LAT2: variants seen among roughly 807,000 people sequenced by gnomAD.
LAT2 encodes linker for activation of T cells family member 2.
LAT2 carries 23 observed loss-of-function variants against 43.4 expected under a neutral mutation model. The ratio of observed to expected loss-of-function variants is 0.53; its 90% CI spans 0.38 to 0.75. LAT2 has a LOEUF of 0.75. LAT2 is among the 30% of genes least tolerant of loss of function. LAT2 has a pLI of 0.00. For missense variants in LAT2, 284 were observed against 310.2 expected, an observed-to-expected ratio of 0.92 and a Z score of 0.64; for synonymous variants, 128 against 123.2, an observed-to-expected ratio of 1.04 and a Z score of -0.26.
chr7:74,215,668 G>A (rs1802011405), intron 2 of LAT2, among the ~76,000 whole-genome samples: 1 of 152,212 alleles, frequency 6.6e-6, no homozygotes, highest in Non-Finnish European at 1.5e-5. Flanking sequence ...AAGCGAGGCT[G>A]TGTGTAGGGC....
chr7:74,223,811 G>A, intron 11 of LAT2, 28 bp downstream of exon 11: 1 of 1,608,300 alleles, frequency 6.2e-7, no homozygotes, highest in Non-Finnish European at 8.5e-7. Flanking sequence ...GAGGCAGGCT[G>A]GGGCTGGGAG....
Position 74,220,550 on chromosome 7 carries a change from G to C in LAT2, c.266-34G>C. On this transcript the variant is annotated intron_variant, in intron 7 of 13. Transcript: ENST00000460943. The surrounding 1 kb of genome is among the most constrained non-coding windows in gnomAD (Gnocchi z 4.5). Reference sequence around the variant, plus strand: ...CGAGCTGGGTGCAAAGCAGGGGCCAGGGGAGAAAGCAATTAGCTGGGTCTT... The same window carrying C: ...CGAGCTGGGTGCAAAGCAGGGGCCACGGGAGAAAGCAATTAGCTGGGTCTT... 1 of 1,613,648 alleles carries C rather than the reference G, an allele frequency of 6.2e-7. No homozygotes were observed. The highest frequency in any genetic ancestry group is 8.5e-7 in the Non-Finnish European group (1 of 1,179,806).
At chr7:74,212,751 A>G (rs1352280629) in intron 1 of LAT2, among the ~76,000 whole-genome samples, 1 of 152,030 alleles carries the variant, frequency 6.6e-6, no homozygotes, top group African/African-American at 2.4e-5. Context: ...AGGCAAGGAG[A>G]GTTTCGAGGA....
intron 2 of LAT2, 57 bp from the exon 3 acceptor site, chr7:74,215,890 T>C (rs1802020768): frequency 1.7e-6 from 2 of 1,160,044 alleles, no homozygotes; most frequent in Non-Finnish European, 2.6e-6. Flanking sequence ...ACAGTGGGGG[T>C]GTGGGGTAGG....
chr7:74,223,761 C>T lies in LAT2; in HGVS notation c.426C>T (p.Cys142=). 3 of 1,613,928 alleles carry T rather than the reference C, an allele frequency of 1.9e-6. No homozygotes were observed. The highest frequency in any genetic ancestry group is 1.7e-5 in the Admixed American group (1 of 60,002). ...ATTCCTACGAGAATGTGCTCATTTGCAAGCAGAAAACCACAGAGACAGGTG... is the reference window on the plus strand; with the variant it reads ...ATTCCTACGAGAATGTGCTCATTTGTAAGCAGAAAACCACAGAGACAGGTG... ...DANSYENVLI[C]KQKTTETGAQ... is the part of the protein sequence containing the mutation. Residue 142 remains cysteine (C), a synonymous_variant, in exon 11 of 14, where the codon TGC becomes TGT. Transcript: ENST00000460943.
At chr7:74,214,321 AATATATATAT>A (rs1192331685) in intron 1 of LAT2, among the ~76,000 whole-genome samples, 1 of 61,014 alleles carries the variant, frequency 1.6e-5, no homozygotes, top group Non-Finnish European at 2.7e-5. Context: ...TATATATGAA[AATATATATAT>A]AAATATATAT....
chr7:74,219,862 C>G (rs1364954962), intron 5 of LAT2, 75 bp downstream of exon 5: 1 of 1,610,846 alleles, frequency 6.2e-7, no homozygotes, highest in Non-Finnish European at 8.5e-7. Context: ...TCCCCATTGA[C>G]CTGAGACCGT....
At position 74,226,054 on chromosome 7, in the gene LAT2, C is replaced by T. The variant is rs141555722; in HGVS notation, c.*18+1294C>T. 1.5e-3 allele frequency: 231 copies of T among 152,036 alleles called. No homozygotes were observed. The East Asian group carries it at 0.033, about 21-fold the overall frequency. The allele number at this position is 152,036 out of a possible 1,614,324, so 9.4% of individuals were successfully genotyped here. ...GTCATGCCTATAAATCCCAGCACTTCGGGAGGCTGAGGCGGGAGGATCCTT... is the reference window on the plus strand; with the variant it reads ...GTCATGCCTATAAATCCCAGCACTTTGGGAGGCTGAGGCGGGAGGATCCTT... On this transcript the variant is annotated intron_variant, in intron 13 of 13. Transcript: ENST00000460943.
In LAT2 at chr7:74,213,420, C is replaced by CTTTTTTTT. The variant is rs1554713423; in HGVS notation, c.-218-1402_-218-1401insTTTTTTTT. ...ACAGGCATGAGCCACTGTGCCCGGC[C>CTTTTTTTT]ATTTTTTTTTTTTTTTTTTTTTGAG... is the stretch of plus-strand genomic sequence containing the variant. On this transcript the variant is annotated intron_variant, in intron 1 of 13. Coordinates refer to ENST00000460943, the MANE Select transcript of LAT2 (RefSeq NM_032464.3). Among the ~76,000 whole-genome samples the CTTTTTTTT allele has an allele frequency of 2.9e-5, 4 of 136,238 alleles. 1 individual carries two copies. Among genetic ancestry groups the CTTTTTTTT allele is most frequent in the Non-Finnish European group, 6.3e-5 (4 of 63,268 alleles). 89.4% of individuals were successfully genotyped at this position (136,238 alleles called of 152,430 possible).
chr7:74,213,644 C>T (rs537367853), intron 1 of LAT2, among the ~76,000 whole-genome samples: 122 of 151,398 alleles, frequency 8.1e-4, no homozygotes, highest in African/African-American at 2.9e-3. Flanking sequence ...AGGCTAGTCT[C>T]GAACTCCCGA....
intron 13 of LAT2, among the ~76,000 whole-genome samples, 165 bp from the exon 14 acceptor site, chr7:74,228,779 A>C (rs1584233718): frequency 6.7e-6 from 1 of 149,802 alleles, no homozygotes; most frequent in African/African-American, 2.5e-5. Context: ...ACAGAGTGAG[A>C]CTCCATCTCA....
rs1802207466 is a variant in LAT2 at position 74,220,115 on chromosome 7, G to A, written c.228-102G>A. ...CCCTCCCCGAGTCCCAGAGCTCCAG[G>A]GCTCAGCTATGAAGGCCCCACAAGG... On this transcript the variant is annotated intron_variant, in intron 6 of 13. Coordinates refer to ENST00000460943, the MANE Select transcript of LAT2 (RefSeq NM_032464.3). This position sits in a 1 kb window ranked among gnomAD's most constrained non-coding sequence, Gnocchi z 4.5. 6.4e-7 allele frequency: 1 copy of A among 1,565,394 alleles called. No individual in the cohort carries two copies. The highest frequency in any genetic ancestry group is 1.4e-5 in the African/African-American group (1 of 73,986).
chr7:74,212,273 TTTATTATTA>T (rs527983800), intron 1 of LAT2, among the ~76,000 whole-genome samples: 1 of 150,848 alleles, frequency 6.6e-6, no homozygotes, highest in Non-Finnish European at 1.5e-5. Flanking sequence ...ATTTATTTAA[TTTATTATTA>T]TTATTATTAT....
Position 74,211,425 on chromosome 7 carries a change from G to A in LAT2, c.-219+1337G>A, listed in dbSNP as rs183420679. Reference sequence around the variant, plus strand: ...CCAAGTAGCTGGGGACTACAGGCACGTGCTACCACACCTGGCTAATTTTTT... The same window carrying A: ...CCAAGTAGCTGGGGACTACAGGCACATGCTACCACACCTGGCTAATTTTTT... On this transcript the variant is annotated intron_variant, in intron 1 of 13. Transcript: ENST00000460943. Among the ~76,000 whole-genome samples the A allele has an allele frequency of 2.4e-3, 371 of 152,050 alleles. 8 individuals are homozygous for A. Among genetic ancestry groups the A allele is most frequent in the Non-Finnish European group, 5.3e-4 (36 of 67,986 alleles).
rs1437738141 is a variant in LAT2 at position 74,214,746 on chromosome 7, TAA to T, written c.-218-74_-218-73del. On this transcript the variant is annotated intron_variant, in intron 1 of 13. Transcript: ENST00000460943. ...AAATATAAATATATATAAAAATATA[TAA>T]ATATATATATATAAACATATATATA... The T allele has an allele frequency of 5.2e-5, 5 of 95,822 alleles. 1 individual carries two copies. Among genetic ancestry groups the T allele is most frequent in the African/African-American group, 1.9e-4 (4 of 20,524 alleles). The allele number at this position is 95,822 out of a possible 1,614,324, so 5.9% of individuals were successfully genotyped here.
chr7:74,227,055 CTTTTTTTTT>C (rs35992128), intron 13 of LAT2, among the ~76,000 whole-genome samples: 15 of 133,868 alleles, frequency 1.1e-4, no homozygotes. Context: ...GTTGTTTTTT[CTTTTTTTTT>C]TTTTTTCGTT....
In LAT2 at chr7:74,219,130, G is replaced by A. The variant is rs1453517341; in HGVS notation, c.135-614G>A. Among the ~76,000 whole-genome samples the A allele has an allele frequency of 1.8e-4, 25 of 142,322 alleles. 1 individual carries two copies. Among genetic ancestry groups the A allele is most frequent in the Admixed American group, 1.6e-3 (21 of 13,246 alleles). The allele number at this position is 142,322 out of a possible 152,430, so 93.4% of individuals were successfully genotyped here. A position where few individuals can be genotyped will look rare whatever the true frequency, so the allele number is the denominator to read the frequency against. On this transcript the variant is annotated intron_variant, in intron 4 of 13. Transcript: ENST00000460943. ...CGGCTCACTGCAAGCTCCGCTTCCCGGGTTCACGCCATTCTCCTGCCTCAG... is the reference window on the plus strand; with the variant it reads ...CGGCTCACTGCAAGCTCCGCTTCCCAGGTTCACGCCATTCTCCTGCCTCAG...
At chr7:74,224,284 C>A in intron 12 of LAT2, 87 bp downstream of exon 12, 1 of 1,403,534 alleles carries the variant, frequency 7.1e-7, no homozygotes, top group Non-Finnish European at 9.9e-7. Context: ...AGTGGGCTTC[C>A]CTCCAGCCAG....
At chr7:74,215,743 A>C (rs1315738337) in intron 2 of LAT2, among the ~76,000 whole-genome samples, 1 of 152,162 alleles carries the variant, frequency 6.6e-6, no homozygotes, top group African/African-American at 2.4e-5. Flanking sequence ...TCAAGGGTGA[A>C]GATGGCCCAC....
Sources: allele counts gnomAD v4.1 joint callset (sites outside exome capture counted in the v4.1 genomes callset), GRCh38; gene constraint gnomAD v4.1.1; non-coding constraint Gnocchi (gnomAD v3.1); transcripts MANE v1.5; gene names NCBI Gene and HGNC (gene_info 2026-07-23, HGNC 2026-07-21).